Variants in ABCC1 observed in about 807,000 individuals in gnomAD.
ABCC1 encodes ATP binding cassette subfamily C member 1 (ABCC1 blood group).
In ABCC1, 83 loss-of-function variants were observed where a neutral mutation model predicts 172.9. That is an observed-to-expected ratio of 0.48 (90% CI 0.40 to 0.58). ABCC1 has a LOEUF of 0.58. Ranked by LOEUF, ABCC1 falls within the 20% of genes least tolerant of loss-of-function variation. The probability of loss-of-function intolerance (pLI) is 0.00; values close to 1 mark genes in which losing one functional copy is unlikely to be tolerated. For synonymous variants in ABCC1, 937 were observed against 825.2 expected (o/e 1.14, Z -2.32); for missense variants, 1,817 against 2,002.7 (o/e 0.91, Z 1.77).
chr16:16,083,665 C>A, intron 17 of ABCC1, 123 bp downstream of exon 17: 2 of 1,304,338 alleles, frequency 1.5e-6, no homozygotes, highest in African/African-American at 1.5e-5. Flanking sequence ...CTCAGCTGGG[C>A]GGCTCTGCTG....
intron 19 of ABCC1, among the ~76,000 whole-genome samples, chr16:16,093,881 C>T (rs1184103468): frequency 6.6e-6 from 1 of 151,650 alleles, no homozygotes; most frequent in Non-Finnish European, 1.5e-5. Context: ...GGGCAGGAAC[C>T]AGGCTTGTGA....
In ABCC1 at chr16:16,100,815, C is replaced by G. The variant is rs138261451; in HGVS notation, c.2645-1812C>G. Among the ~76,000 whole-genome samples the G allele has an allele frequency of 3.5e-3, 533 of 152,228 alleles. 6 individuals carry two copies. The highest frequency in any genetic ancestry group is 0.018 in the South Asian group (89 of 4,812). On this transcript the variant is annotated intron_variant, in intron 19 of 30. Coordinates refer to ENST00000399410, the MANE Select transcript of ABCC1 (RefSeq NM_004996.4). ...GGTTGGGTCTGCTGTTCCTGTTTTGCAGATGTGGAAGATGAGGCTCAGACA... is the reference window on the plus strand; with the variant it reads ...GGTTGGGTCTGCTGTTCCTGTTTTGGAGATGTGGAAGATGAGGCTCAGACA...
At chr16:16,132,092 A>G (rs2045700212) in intron 27 of ABCC1, among the ~76,000 whole-genome samples, 157 bp downstream of exon 27, 1 of 152,148 alleles carries the variant, frequency 6.6e-6, no homozygotes, top group East Asian at 1.9e-4. Context: ...TGTGGCAGTA[A>G]AAGCTGTTCA....
At chr16:16,064,118 G>A (rs1657904949) in intron 12 of ABCC1, among the ~76,000 whole-genome samples, 1 of 152,176 alleles carries the variant, frequency 6.6e-6, no homozygotes, top group African/African-American at 2.4e-5. Flanking sequence ...TGCACACAGG[G>A]CATCAGGATT....
chr16:16,026,636 C>T (rs1049010858), intron 5 of ABCC1, among the ~76,000 whole-genome samples: 1 of 151,644 alleles, frequency 6.6e-6, no homozygotes, highest in African/African-American at 2.4e-5. Context: ...ATGGCAATTG[C>T]TGGGCGCGGT....
rs74594048 is a variant in ABCC1 at position 15,976,544 on chromosome 16, C to T, written c.48+26745C>T. On this transcript the variant is annotated intron_variant, in intron 1 of 30. Transcript: ENST00000399410. ...CCGGTACCCCATGCTCCATCTTGCC[C>T]CATAAACACCCTGGGGTGGGCCAGA... 4.2e-3 allele frequency among the ~76,000 whole-genome samples: 644 copies of T among 152,240 alleles called. 8 individuals are homozygous for T. Among genetic ancestry groups the T allele is most frequent in the Non-Finnish European group, 4.9e-3 (334 of 68,026 alleles).
In ABCC1 at chr16:15,990,200, G is replaced by A. The variant is rs572264224; in HGVS notation, c.49-17616G>A. 5.9e-5 allele frequency among the ~76,000 whole-genome samples: 9 copies of A among 152,148 alleles called. 1 individual carries two copies. In the South Asian group the frequency reaches 1.0e-3, roughly 18 times the overall value. ...CTCCCAAGCAGCTGGGATTACAGGC[G>A]TCTGCCACCACACCCAGCTAATTTT... On this transcript the variant is annotated intron_variant, in intron 1 of 30. Transcript: ENST00000399410.
chr16:15,959,808 T>C (rs2046088902), intron 1 of ABCC1, among the ~76,000 whole-genome samples: 1 of 152,128 alleles, frequency 6.6e-6, no homozygotes, highest in African/African-American at 2.4e-5. Context: ...CCAGGGAGGG[T>C]GCCCCTAGGC....
At chr16:16,065,416 A>G (rs1290348663) in intron 12 of ABCC1, among the ~76,000 whole-genome samples, 3 of 151,950 alleles carry the variant, frequency 2.0e-5, no homozygotes, top group African/African-American at 4.8e-5. Context: ...GCATGCCACT[A>G]TGCTTGACTT....
At chr16:15,973,976 C>T (rs547776207) in intron 1 of ABCC1, among the ~76,000 whole-genome samples, 1 of 152,102 alleles carries the variant, frequency 6.6e-6, no homozygotes, top group South Asian at 2.1e-4. Flanking sequence ...CAGAGTGAGA[C>T]CCTGTCTCAA....
At chr16:16,129,172 A>G (rs1306269937) in intron 26 of ABCC1, among the ~76,000 whole-genome samples, 1 of 152,016 alleles carries the variant, frequency 6.6e-6, no homozygotes, top group East Asian at 1.9e-4. Context: ...TTTTTCTTTT[A>G]ACGTAAGTGG....
At chr16:16,126,814 A>G (rs2045460682) in intron 26 of ABCC1, among the ~76,000 whole-genome samples, 1 of 152,236 alleles carries the variant, frequency 6.6e-6, no homozygotes, top group African/African-American at 2.4e-5. Context: ...GCATATTAAA[A>G]CAACAAGAGA....
At position 16,090,443 on chromosome 16, in the gene ABCC1, G is replaced by T. The variant is rs182511291; in HGVS notation, c.2499G>T (p.Pro833=). ...TCACGCACAGCATGAGCTACTTGCCGCAGGTGGACGTCATCATCGTCATGA... is the reference window on the plus strand; with the variant it reads ...TCACGCACAGCATGAGCTACTTGCCTCAGGTGGACGTCATCATCGTCATGA... ...ILVTHSMSYL[P]QVDVIIVMSG... Residue 833 remains proline, a synonymous_variant, in exon 19 of 31, where the codon CCG becomes CCT. Coordinates refer to ENST00000399410, the MANE Select transcript of ABCC1 (RefSeq NM_004996.4). 3 of 1,612,236 alleles carry T rather than the reference G, an allele frequency of 1.9e-6. No homozygotes were observed. The highest frequency in any genetic ancestry group is 2.7e-5 in the African/African-American group (2 of 75,020).
chr16:16,078,842 C>A (rs961956991), intron 15 of ABCC1, among the ~76,000 whole-genome samples: 1 of 152,150 alleles, frequency 6.6e-6, no homozygotes, highest in South Asian at 2.1e-4. Context: ...CCACGCCTGG[C>A]TAATTTTTAT....
At chr16:15,999,828 C>CTCTG (rs2047215014) in intron 1 of ABCC1, among the ~76,000 whole-genome samples, 6 of 18,032 alleles carry the variant, frequency 3.3e-4, no homozygotes, top group African/African-American at 7.0e-4. Context: ...CTCTCTCTCT[C>CTCTG]TCTCTGTCTC....
intron 21 of ABCC1, among the ~76,000 whole-genome samples, chr16:16,109,613 C>T (rs1037486612): frequency 6.6e-6 from 1 of 152,186 alleles, no homozygotes; most frequent in African/African-American, 2.4e-5. Flanking sequence ...GCAGATTGCC[C>T]TGTCTCTCAT....
intron 21 of ABCC1, among the ~76,000 whole-genome samples, chr16:16,109,791 TGTG>T (rs1332729273): frequency 5.9e-5 from 9 of 152,156 alleles, no homozygotes; most frequent in African/African-American, 2.2e-4. Flanking sequence ...CTGGCCCAGT[TGTG>T]GTGTTGAGGT....
At chr16:16,110,603 G>C (rs2052343829) in intron 21 of ABCC1, among the ~76,000 whole-genome samples, 2 of 152,132 alleles carry the variant, frequency 1.3e-5, no homozygotes. Context: ...TAGTCAGGCT[G>C]GTCTCAAACT....
At chr16:16,083,021 C>T (rs553490452) in intron 16 of ABCC1, among the ~76,000 whole-genome samples, 13 of 152,282 alleles carry the variant, frequency 8.5e-5, no homozygotes, top group South Asian at 4.2e-4. Context: ...AGTAGTTTTC[C>T]GTCACCTGAG....
Sources: gnomAD v4.1 joint callset for allele counts (sites outside exome capture counted in the v4.1 genomes callset) on GRCh38, gnomAD v4.1.1 for gene constraint, MANE v1.5 for transcripts, NCBI Gene and HGNC (gene_info 2026-07-23, HGNC 2026-07-21) for gene names.